GALNT1: variants seen among roughly 807,000 people sequenced by gnomAD.
The protein encoded by GALNT1 is polypeptide N-acetylgalactosaminyltransferase 1.
In GALNT1, 17 loss-of-function variants were observed where a neutral mutation model predicts 65.7. The ratio of observed to expected loss-of-function variants is 0.26; its 90% CI spans 0.18 to 0.39. The LOEUF is 0.39. Ranked by LOEUF, GALNT1 falls within the 10% of genes least tolerant of loss-of-function variation. The pLI, the probability that GALNT1 is intolerant of heterozygous loss-of-function variation, is 1.00. For synonymous variants in GALNT1, 210 were observed against 219.7 expected, an observed-to-expected ratio of 0.96 and a Z score of 0.39; for missense variants, 460 against 672.8, an observed-to-expected ratio of 0.68 and a Z score of 3.50.
chr18:35,601,798 G>T (rs539078565), intron 1 of GALNT1, among the ~76,000 whole-genome samples: 1 of 152,302 alleles, frequency 6.6e-6, no homozygotes, highest in South Asian at 2.1e-4. Context: ...TGTGAGTTAG[G>T]TCCCTTTGGT....
chr18:35,657,075 A>AT (rs111262275), intron 2 of GALNT1, among the ~76,000 whole-genome samples: 15,288 of 150,126 alleles, frequency 0.1, 973 homozygotes, highest in African/African-American at 0.19. Flanking sequence ...TGAGTTTGGA[A>AT]TTTTTTTTTT....
intron 1 of GALNT1, among the ~76,000 whole-genome samples, chr18:35,603,639 A>G (rs1365803212): frequency 6.6e-6 from 1 of 152,154 alleles, no homozygotes; most frequent in African/African-American, 2.4e-5. Context: ...ATAGATTAGG[A>G]AACCCTGGCT....
At chr18:35,608,484 C>T (rs1170393909) in intron 1 of GALNT1, among the ~76,000 whole-genome samples, 1 of 152,162 alleles carries the variant, frequency 6.6e-6, no homozygotes, top group Admixed American at 6.6e-5. Flanking sequence ...TAAAACACCA[C>T]TCAGAATCTT....
In GALNT1 at chr18:35,611,498, G is replaced by A. The variant is rs111991089; in HGVS notation, c.-104+29636G>A. Among the ~76,000 whole-genome samples the A allele has an allele frequency of 7.4e-4, 113 of 152,228 alleles. 1 individual carries two copies. Among genetic ancestry groups the A allele is most frequent in the Admixed American group, 1.6e-3 (24 of 15,286 alleles). On this transcript the variant is annotated intron_variant, in intron 1 of 11. Transcript: ENST00000269195. ...ACCTTAGAGAAATATTTATGTAATC[G>A]AATGTTATCTAACTCAGGTTTTTAA...
At chr18:35,675,376 T>G (rs1316728238) in intron 3 of GALNT1, among the ~76,000 whole-genome samples, 1 of 152,216 alleles carries the variant, frequency 6.6e-6, no homozygotes. Flanking sequence ...GGTCTCTGAT[T>G]AACCATTTGA....
At position 35,696,843 on chromosome 18, in the gene GALNT1, T is replaced by G. The variant is rs60995308; in HGVS notation, c.1299+4523T>G. Among the ~76,000 whole-genome samples the G allele has an allele frequency of 9.9e-3, 1,509 of 152,330 alleles. 31 individuals are homozygous for G. Among genetic ancestry groups the G allele is most frequent in the African/African-American group, 0.034 (1,429 of 41,562 alleles). On this transcript the variant is annotated intron_variant, in intron 9 of 11. Transcript: ENST00000269195. ...TCTCAAATCTAACCAGTATTTCCCT[T>G]GCAGCAGAGAGTAGAAAAGTGAATC...
At chr18:35,583,681 C>T (rs1211910923) in intron 1 of GALNT1, among the ~76,000 whole-genome samples, 1 of 152,062 alleles carries the variant, frequency 6.6e-6, no homozygotes, top group African/African-American at 2.4e-5. Flanking sequence ...AGTGACAGCG[C>T]GAGACCCTGT....
Position 35,703,630 on chromosome 18 carries a change from A to C in GALNT1, c.1520A>C (p.Glu507Ala). The C allele has an allele frequency of 6.2e-7, 1 of 1,614,000 alleles. No individual in the cohort carries two copies. Among genetic ancestry groups the C allele is most frequent in the East Asian group, 2.2e-5 (1 of 44,848 alleles). Reference sequence around the variant, plus strand: ...CACCTAAAAGGCAACCAACTCTGGGAGTATGACCCAGTGGTAAGTTATGCA... The same window carrying C: ...CACCTAAAAGGCAACCAACTCTGGGCGTATGACCCAGTGGTAAGTTATGCA... ...CHHLKGNQLWEYDPVKLTLQH... is the reference protein window; with the variant it reads ...CHHLKGNQLWAYDPVKLTLQH... The change falls in exon 11 of 12, where the codon GAG (glutamate) becomes GCG (alanine). Residue 507 changes from glutamate (E) to alanine (A), a missense_variant. By Grantham distance (107) the Glu-to-Ala change is moderately radical (BLOSUM62 -1). Transcript: ENST00000269195.
At chr18:35,629,035 T>A (rs1372969767) in intron 1 of GALNT1, among the ~76,000 whole-genome samples, 1 of 151,992 alleles carries the variant, frequency 6.6e-6, no homozygotes, top group African/African-American at 2.4e-5. Flanking sequence ...TAAAAAGAAA[T>A]GAACAAAGCC....
chr18:35,687,324 T>G, intron 6 of GALNT1, 138 bp downstream of exon 6: 1 of 708,672 alleles, frequency 1.4e-6, no homozygotes, highest in Non-Finnish European at 2.2e-6. Context: ...ACAGCCATCT[T>G]TCACATATGT....
chr18:35,707,938 T>C lies in GALNT1; in HGVS notation c.1534-1686T>C, dbSNP rs543807302. 5.3e-5 allele frequency among the ~76,000 whole-genome samples: 8 copies of C among 152,332 alleles called. No homozygotes were observed. In the South Asian group the frequency reaches 1.7e-3, roughly 32 times the overall value. On this transcript the variant is annotated intron_variant, in intron 11 of 11. Coordinates refer to ENST00000269195, the MANE Select transcript of GALNT1 (RefSeq NM_020474.4). Reference sequence around the variant, plus strand: ...TGCTCAGGACGTTGCCAGGATGTTGTGTTTTCCAATAATAAGCATTACTCT... The same window carrying C: ...TGCTCAGGACGTTGCCAGGATGTTGCGTTTTCCAATAATAAGCATTACTCT...
intron 1 of GALNT1, among the ~76,000 whole-genome samples, chr18:35,602,648 C>A (rs1369565625): frequency 6.6e-6 from 1 of 152,158 alleles, no homozygotes; most frequent in Non-Finnish European, 1.5e-5. Context: ...CCCTCTAATA[C>A]ACTTTTCAGT....
chr18:35,701,140 T>C (rs563670438), intron 9 of GALNT1, among the ~76,000 whole-genome samples: 22 of 152,280 alleles, frequency 1.4e-4, no homozygotes, highest in African/African-American at 4.3e-4. Flanking sequence ...GGCACAATTA[T>C]AGCTTACTGC....
In GALNT1 at chr18:35,709,765, TTC is replaced by T; in HGVS notation, c.1677_1678del (p.Phe559LeufsTer14). 2 of 1,614,026 alleles carry T rather than the reference TTC, an allele frequency of 1.2e-6. No individual in the cohort carries two copies. The highest frequency in any genetic ancestry group is 1.7e-6 in the Non-Finnish European group (2 of 1,179,964). ...TCGAAACGTCACCCTGCCAGAAATA[TTC>T]TGAGACCAAATTTACAAAAAAACGA... ...LLRNVTLPEIF is the reference protein window; with the variant it reads ...LLRNVTLPEIX On this transcript the variant is annotated frameshift_variant, in exon 12 of 12. Transcript: ENST00000269195. LOFTEE classifies it high-confidence loss of function.
intron 3 of GALNT1, chr18:35,664,014 A>T (rs1359151639): frequency 2.0e-6 from 1 of 491,644 alleles, no homozygotes; most frequent in African/African-American, 2.0e-5. Context: ...ATTGGAAGAT[A>T]ATTATTTATC....
Position 35,675,599 on chromosome 18 carries a change from T to A in GALNT1, c.315-1992T>A, listed in dbSNP as rs2047700446. On this transcript the variant is annotated intron_variant, in intron 3 of 11. Coordinates refer to ENST00000269195, the MANE Select transcript of GALNT1 (RefSeq NM_020474.4). ...TTCTGCAGAACCTGCTGTCTCCACA[T>A]TTTTCTGTCTTCCTTTCTGTTTCCT... is the stretch of plus-strand genomic sequence containing the variant. Among the ~76,000 whole-genome samples the A allele has an allele frequency of 2.6e-5, 4 of 152,232 alleles. No homozygotes were observed. In the East Asian group the frequency reaches 7.7e-4, roughly 29 times the overall value.
At chr18:35,595,188 AT>A in intron 1 of GALNT1, among the ~76,000 whole-genome samples, 1 of 152,346 alleles carries the variant, frequency 6.6e-6, no homozygotes, top group Middle Eastern at 3.4e-3. Context: ...TACTCTTAAT[AT>A]ATAACAAAAA....
chr18:35,644,462 G>A (rs981906183), intron 1 of GALNT1, among the ~76,000 whole-genome samples: 1 of 152,168 alleles, frequency 6.6e-6, no homozygotes, highest in East Asian at 1.9e-4. Flanking sequence ...ACTCACTTTG[G>A]CTACTAGGGG....
At chr18:35,581,705 GCC>G, upstream of GALNT1, 1 of 143,986 alleles carries the variant, frequency 6.9e-6, no homozygotes, top group African/African-American at 2.5e-5. Context: ...GCGGGGCCCG[GCC>G]GGACCCGCCC....
Sources: allele counts gnomAD v4.1 joint callset (sites outside exome capture counted in the v4.1 genomes callset), GRCh38; gene constraint gnomAD v4.1.1; transcripts MANE v1.5; gene names NCBI Gene and HGNC (gene_info 2026-07-23, HGNC 2026-07-21).